FRMD4A: variants seen among roughly 807,000 people sequenced by gnomAD.
The protein encoded by FRMD4A is FERM domain containing 4A.
FRMD4A carries 29 observed loss-of-function variants against 129.1 expected under a neutral mutation model. The observed-to-expected ratio is 0.22, with a 90% CI of 0.17 to 0.31. The LOEUF is 0.31. FRMD4A is among the 10% of genes least tolerant of loss of function. The pLI, the probability that FRMD4A is intolerant of heterozygous loss-of-function variation, is 1.00. For synonymous variants in FRMD4A, 634 were observed against 571.6 expected (o/e 1.11, Z -1.56); for missense variants, 1,272 against 1,375.8 (o/e 0.92, Z 1.19).
chr10:13,996,084 C>T (rs2095621577), intron 2 of FRMD4A, among the ~76,000 whole-genome samples: 1 of 152,210 alleles, frequency 6.6e-6, no homozygotes, highest in African/African-American at 2.4e-5. Flanking sequence ...TTCTGGCTTA[C>T]AAGCAAAACT....
intron 2 of FRMD4A, among the ~76,000 whole-genome samples, chr10:13,919,445 C>T (rs1480656667): frequency 6.6e-6 from 1 of 152,070 alleles, no homozygotes. Context: ...AATCTTCAAA[C>T]CTTCAGAAAC....
Position 13,891,817 on chromosome 10 carries a change from C to G in FRMD4A, c.46-32905G>C, listed in dbSNP as rs1223918248. ...GGGCCCTCGGCGTCAGCCCATAGCC[C>G]GCTCGCGCCTCTCGCGCCGAGCCTG... On this transcript the variant is annotated intron_variant, in intron 2 of 24. Transcript: ENST00000357447. 4.7e-6 allele frequency: 4 copies of G among 860,204 alleles called. No homozygotes were observed. In the African/African-American group the frequency reaches 5.5e-5, roughly 12 times the overall value. 53.3% of individuals were successfully genotyped at this position (860,204 alleles called of 1,614,324 possible). A position where few individuals can be genotyped will look rare whatever the true frequency, so the allele number is the denominator to read the frequency against.
At chr10:14,274,437 C>T (rs1845269122) in intron 2 of FRMD4A, among the ~76,000 whole-genome samples, 1 of 152,144 alleles carries the variant, frequency 6.6e-6, no homozygotes, top group Non-Finnish European at 1.5e-5. Context: ...TCCACTCTGC[C>T]ACTTCACTAG....
intron 2 of FRMD4A, among the ~76,000 whole-genome samples, chr10:14,183,279 T>C (rs1442969256): frequency 3.3e-5 from 5 of 152,236 alleles, no homozygotes; most frequent in Non-Finnish European, 5.9e-5. Flanking sequence ...ATATCATTAG[T>C]GGTGTCTTGG....
At position 13,937,919 on chromosome 10, in the gene FRMD4A, C is replaced by T. The variant is rs138053394; in HGVS notation, c.46-79007G>A. On this transcript the variant is annotated intron_variant, in intron 2 of 24. Transcript: ENST00000357447. ...TCTTGCATTTTTTCTATGCCTAGTTCCTCAGTTAAAGAAGGAAAATAAACT... is the reference window on the plus strand; with the variant it reads ...TCTTGCATTTTTTCTATGCCTAGTTTCTCAGTTAAAGAAGGAAAATAAACT... 2.1e-4 allele frequency among the ~76,000 whole-genome samples: 32 copies of T among 152,190 alleles called. No individual in the cohort carries two copies. In the East Asian group the frequency reaches 4.4e-3, roughly 21 times the overall value.
intron 2 of FRMD4A, among the ~76,000 whole-genome samples, chr10:13,878,424 A>C (rs888167327): frequency 6.6e-6 from 1 of 152,174 alleles, no homozygotes; most frequent in Non-Finnish European, 1.5e-5. Context: ...TGATAACCAA[A>C]GTGCAGTGTA....
At chr10:14,174,542 A>T (rs1425281997) in intron 2 of FRMD4A, among the ~76,000 whole-genome samples, 1 of 151,630 alleles carries the variant, frequency 6.6e-6, no homozygotes, top group Admixed American at 6.6e-5. Context: ...TCGTTCATTC[A>T]TTCATTCATT....
At chr10:13,685,648 G>C in intron 15 of FRMD4A, 8 of 984,254 alleles carry the variant, frequency 8.1e-6, no homozygotes, top group Non-Finnish European at 9.7e-6. Context: ...CGTGGGAAGT[G>C]ATAGTTATAT....
intron 2 of FRMD4A, among the ~76,000 whole-genome samples, chr10:14,171,729 A>G (rs559723923): frequency 1.3e-5 from 2 of 151,718 alleles, no homozygotes; most frequent in East Asian, 1.9e-4. Flanking sequence ...ATGATGTCCA[A>G]TTTACCTCAA....
At chr10:13,953,948 A>G (rs2095391524) in intron 2 of FRMD4A, among the ~76,000 whole-genome samples, 1 of 152,174 alleles carries the variant, frequency 6.6e-6, no homozygotes, top group Admixed American at 6.5e-5. Context: ...ACTCAGCATC[A>G]TCATCATCAT....
In FRMD4A at chr10:13,675,016, C is replaced by T. The variant is rs148902459; in HGVS notation, c.1146G>A (p.Ser382=). 56 of 1,613,526 alleles carry T rather than the reference C, an allele frequency of 3.5e-5. 1 individual carries two copies. The East Asian group carries it at 4.7e-4, about 13-fold the overall frequency. The part of the protein sequence containing the change: ...SGSQESDSSQ[S]AKKDMLAALK... ...AGGCAGCCAGCATGTCCTTCTTGGC[C>T]GACTGCGAGCTATCTGATTCCTGAG... The change falls in exon 16 of 25, where the codon TCG becomes TCA. Residue 382 remains serine, a synonymous_variant. Coordinates refer to ENST00000357447, the MANE Select transcript of FRMD4A (RefSeq NM_018027.5).
intron 2 of FRMD4A, among the ~76,000 whole-genome samples, chr10:14,173,567 G>GGAGGAA (rs1428815183): frequency 3.9e-5 from 6 of 152,246 alleles, no homozygotes; most frequent in East Asian, 3.9e-4. Flanking sequence ...AAGAAGAGGA[G>GGAGGAA]GAGGAAGAGG....
At chr10:14,324,463 C>T (rs1018666) in intron 2 of FRMD4A, among the ~76,000 whole-genome samples, 41,541 of 151,972 alleles carry the variant, frequency 0.27, 5,735 homozygotes, top group Admixed American at 0.31. Flanking sequence ...CGCCCTTAGA[C>T]CCAAATATCT....
chr10:14,220,995 A>C (rs976571430), intron 2 of FRMD4A, among the ~76,000 whole-genome samples: 4 of 151,956 alleles, frequency 2.6e-5, no homozygotes, highest in African/African-American at 9.7e-5. Flanking sequence ...GAACCCTACC[A>C]TAATAGTCTG....
chr10:14,090,949 T>C (rs964153739), intron 2 of FRMD4A, among the ~76,000 whole-genome samples: 1 of 151,696 alleles, frequency 6.6e-6, no homozygotes, highest in South Asian at 2.1e-4. Flanking sequence ...GCCGGGACCA[T>C]AGGCACACAC....
intron 8 of FRMD4A, among the ~76,000 whole-genome samples, chr10:13,750,100 G>T (rs11258574): frequency 3.0e-4 from 33 of 109,312 alleles, no homozygotes; most frequent in South Asian, 1.0e-3. Context: ...AAGAAAGAAA[G>T]AAAGAAATGA....
chr10:13,850,436 T>G (rs2094125225), intron 3 of FRMD4A, among the ~76,000 whole-genome samples: 1 of 152,188 alleles, frequency 6.6e-6, no homozygotes, highest in Non-Finnish European at 1.5e-5. Flanking sequence ...CGACCATTAT[T>G]TCATCCACTG....
At chr10:13,960,038 C>T (rs1463647647) in intron 2 of FRMD4A, among the ~76,000 whole-genome samples, 1 of 152,118 alleles carries the variant, frequency 6.6e-6, no homozygotes, top group East Asian at 1.9e-4. Context: ...GGAGGGGCAG[C>T]CCCCGCCTTT....
chr10:13,807,545 A>G (rs758185910), intron 4 of FRMD4A, among the ~76,000 whole-genome samples: 6 of 138,860 alleles, frequency 4.3e-5, no homozygotes, highest in Non-Finnish European at 9.6e-5. Flanking sequence ...TTAATGCTGC[A>G]AAACTGTTGA....
Sources: gnomAD v4.1 joint callset for allele counts (sites outside exome capture counted in the v4.1 genomes callset) on GRCh38, gnomAD v4.1.1 for gene constraint, MANE v1.5 for transcripts, NCBI Gene and HGNC (gene_info 2026-07-23, HGNC 2026-07-21) for gene names.